The following LARGE1 variants were observed in gnomAD, a reference collection of about 807,000 sequenced individuals.
The protein encoded by LARGE1 is xylosyl- and glucuronyltransferase LARGE1.
A neutral mutation model predicts 87.6 loss-of-function variants in LARGE1; 43 were observed. The ratio of observed to expected loss-of-function variants is 0.49; its 90% CI spans 0.38 to 0.63. LARGE1 has a LOEUF of 0.63. LARGE1 is among the 30% of genes least tolerant of loss of function. LARGE1 has a pLI of 0.00. For synonymous variants in LARGE1, 434 were observed against 394.6 expected (o/e 1.10, Z -1.18); for missense variants, 802 against 1,000.2 (o/e 0.80, Z 2.67).
intron 6 of LARGE1, among the ~76,000 whole-genome samples, chr22:33,553,047 A>G (rs1173033774): frequency 5.3e-5 from 8 of 152,134 alleles, no homozygotes; most frequent in Non-Finnish European, 1.0e-4. Context: ...CCCAACTCCT[A>G]TGCTTTTACA....
intron 9 of LARGE1, among the ~76,000 whole-genome samples, chr22:33,378,489 A>G (rs1251169854): frequency 2.6e-5 from 4 of 152,136 alleles, no homozygotes; most frequent in African/African-American, 9.7e-5. Flanking sequence ...GGTCCTGTGT[A>G]TAGTATTTCA....
intron 11 of LARGE1, among the ~76,000 whole-genome samples, chr22:33,226,575 T>A (rs939348627): frequency 4.8e-4 from 73 of 152,148 alleles, no homozygotes; most frequent in Non-Finnish European, 1.6e-4. Flanking sequence ...AGAATCCTCC[T>A]TTTAAAGTCC....
intron 1 of LARGE1, among the ~76,000 whole-genome samples, chr22:33,862,809 A>G (rs2063971512): frequency 6.6e-6 from 1 of 152,190 alleles, no homozygotes; most frequent in South Asian, 2.1e-4. Context: ...AGGGCAGTCC[A>G]TGGTCAAAAT....
At chr22:33,573,703 T>C in intron 5 of LARGE1, among the ~76,000 whole-genome samples, 1 of 152,180 alleles carries the variant, frequency 6.6e-6, no homozygotes, top group East Asian at 1.9e-4. Context: ...ACAGCACCAG[T>C]TATTTATTAA....
At chr22:33,107,859 A>G in the LARGE1 span, among the ~76,000 whole-genome samples, 1 of 152,152 alleles carries the variant, frequency 6.6e-6, no homozygotes, top group East Asian at 1.9e-4. Flanking sequence ...CTGTCTCTAA[A>G]ATAAATAAAT....
At chr22:33,360,683 G>A (rs1019175273) in intron 9 of LARGE1, among the ~76,000 whole-genome samples, 1 of 149,570 alleles carries the variant, frequency 6.7e-6, no homozygotes, top group African/African-American at 2.5e-5. Flanking sequence ...AGATTTGGAG[G>A]GGGACACAGA....
chr22:33,231,376 C>T (rs1452452415), intron 11 of LARGE1, among the ~76,000 whole-genome samples: 1 of 152,162 alleles, frequency 6.6e-6, no homozygotes, highest in Non-Finnish European at 1.5e-5. Context: ...TATTTGATTC[C>T]TTTGTACTTC....
intron 2 of LARGE1, among the ~76,000 whole-genome samples, chr22:33,711,210 A>T (rs2082720834): frequency 6.6e-6 from 1 of 152,192 alleles, no homozygotes; most frequent in Admixed American, 6.5e-5. Flanking sequence ...GCTATGCAAG[A>T]GCAAGGGGTG....
chr22:33,078,334 T>G, the LARGE1 span, among the ~76,000 whole-genome samples: 2 of 152,216 alleles, frequency 1.3e-5, no homozygotes, highest in Non-Finnish European at 2.9e-5. Flanking sequence ...AATACATCTT[T>G]AGCGAGAAAT....
At chr22:33,294,336 C>T (rs1932950605) in intron 12 of LARGE1, among the ~76,000 whole-genome samples, 1 of 152,220 alleles carries the variant, frequency 6.6e-6, no homozygotes, top group East Asian at 1.9e-4. Context: ...TGGGTTTCCA[C>T]AGCCCTGTTC....
chr22:33,868,857 T>C (rs1397630998), intron 1 of LARGE1, among the ~76,000 whole-genome samples: 3 of 152,016 alleles, frequency 2.0e-5, no homozygotes, highest in Non-Finnish European at 4.4e-5. Flanking sequence ...GGCTCAAAAC[T>C]AAATGGAAAG....
chr22:33,075,305 T>C, the LARGE1 span, among the ~76,000 whole-genome samples: 1 of 152,256 alleles, frequency 6.6e-6, no homozygotes. Flanking sequence ...AACTTTAGAA[T>C]AGTTGAAGAA....
intron 7 of LARGE1, among the ~76,000 whole-genome samples, chr22:33,423,679 C>CAAA (rs57917109): frequency 0.34 from 40,752 of 118,688 alleles, 6,948 homozygotes; most frequent in Non-Finnish European, 0.42. Context: ...GATTCTGTCT[C>CAAA]AAAAAAAAAA....
chr22:33,784,028 G>T (rs1234752432), intron 1 of LARGE1, among the ~76,000 whole-genome samples: 2 of 151,996 alleles, frequency 1.3e-5, no homozygotes, highest in Non-Finnish European at 2.9e-5. Flanking sequence ...TTAGTGCATG[G>T]CAGATCCAAG....
At chr22:33,635,536 C>A (rs753316525) in intron 3 of LARGE1, among the ~76,000 whole-genome samples, 1 of 152,074 alleles carries the variant, frequency 6.6e-6, no homozygotes, top group Non-Finnish European at 1.5e-5. Flanking sequence ...TCAGCCACTG[C>A]CTCTATCAAA....
intron 1 of LARGE1, among the ~76,000 whole-genome samples, chr22:33,908,670 AC>A (rs1569027766): frequency 6.6e-6 from 1 of 152,144 alleles, no homozygotes; most frequent in African/African-American, 2.4e-5. Flanking sequence ...GGGTAAGTAC[AC>A]AGAACATCCT....
At chr22:33,688,584 C>T (rs967691293) in intron 2 of LARGE1, among the ~76,000 whole-genome samples, 6 of 152,154 alleles carry the variant, frequency 3.9e-5, no homozygotes, top group Admixed American at 3.9e-4. Flanking sequence ...CTCCCAACCT[C>T]AGGTCATCTG....
At chr22:33,622,718 C>A in intron 4 of LARGE1, among the ~76,000 whole-genome samples, 1 of 152,204 alleles carries the variant, frequency 6.6e-6, no homozygotes, top group African/African-American at 2.4e-5. Context: ...CATTTGCTGG[C>A]CCTGGGTTTC....
chr22:33,278,553 TCACACACACA>T (rs113415022), intron 13 of LARGE1, among the ~76,000 whole-genome samples: 81 of 148,774 alleles, frequency 5.4e-4, no homozygotes, highest in African/African-American at 1.8e-3. Flanking sequence ...TCTCTCTCTC[TCACACACACA>T]CACACACACA....
Sources: gnomAD v4.1 joint callset for allele counts (sites outside exome capture counted in the v4.1 genomes callset) on GRCh38, gnomAD v4.1.1 for gene constraint, MANE v1.5 for transcripts, NCBI Gene and HGNC (gene_info 2026-07-23, HGNC 2026-07-21) for gene names.